Variants in LYRM4 observed in about 807,000 individuals in gnomAD.
LYRM4 encodes the protein LYR motif-containing protein 4.
Under a neutral mutation model 11.7 loss-of-function variants are expected in LYRM4, and 9 were observed. The observed-to-expected ratio is 0.77, with a 90% CI of 0.46 to 1.34. LYRM4 has a LOEUF of 1.34. Ranked by LOEUF, LYRM4 falls within the 40% of genes most tolerant of loss-of-function variation. LYRM4 has a pLI of 0.00. For synonymous variants in LYRM4, 42 were observed against 40.4 expected (o/e 1.04, Z -0.15); for missense variants, 133 against 112.5 (o/e 1.18, Z -0.82).
At chr6:5,253,640 C>T (rs1168893126) in intron 1 of LYRM4, among the ~76,000 whole-genome samples, 1 of 151,994 alleles carries the variant, frequency 6.6e-6, no homozygotes, top group Non-Finnish European at 1.5e-5. Context: ...GAGACGAGAG[C>T]CTTGAAGATG....
At chr6:5,104,492 C>T (rs1762602294), downstream of LYRM4, 2 of 152,100 alleles carry the variant, frequency 1.3e-5, no homozygotes, top group South Asian at 4.1e-4. Context: ...CCAGGCTGGT[C>T]TCGAACTCCT....
At chr6:5,086,310 GCAGC>G in the LYRM4 span, 1 of 1,535,716 alleles carries the variant, frequency 6.5e-7, no homozygotes, top group Non-Finnish European at 8.7e-7. Flanking sequence ...TGGAGCCACA[GCAGC>G]CAGAGGCACC....
intron 2 of LYRM4, among the ~76,000 whole-genome samples, chr6:5,115,355 TATC>T (rs753873543): frequency 3.9e-5 from 6 of 152,188 alleles, no homozygotes; most frequent in Non-Finnish European, 7.3e-5. Context: ...GCGGCACACT[TATC>T]ATGCCGCAGA....
the LYRM4 span, among the ~76,000 whole-genome samples, chr6:5,050,213 G>C: frequency 6.6e-6 from 1 of 152,216 alleles, no homozygotes; most frequent in South Asian, 2.1e-4. Context: ...GGTAAATTGT[G>C]GTTGATTTTG....
intron 1 of LYRM4, among the ~76,000 whole-genome samples, chr6:5,260,360 C>T (rs1764962072): frequency 6.6e-6 from 1 of 152,230 alleles, no homozygotes; most frequent in Non-Finnish European, 1.5e-5. Context: ...TCTGCAGAAA[C>T]ATAACACTAA....
At chr6:5,042,637 T>C in the LYRM4 span, 1 of 152,654 alleles carries the variant, frequency 6.6e-6, no homozygotes, top group Non-Finnish European at 1.5e-5. Flanking sequence ...CCTCAGAAGC[T>C]CGCAGCTGGA....
At chr6:5,167,569 C>T (rs1759160629) in intron 2 of LYRM4, among the ~76,000 whole-genome samples, 1 of 152,210 alleles carries the variant, frequency 6.6e-6, no homozygotes, top group South Asian at 2.1e-4. Context: ...GGGCACGCAA[C>T]ATAAACGATA....
At chr6:5,158,071 A>G (rs1444530164) in intron 2 of LYRM4, among the ~76,000 whole-genome samples, 1 of 152,246 alleles carries the variant, frequency 6.6e-6, no homozygotes, top group African/African-American at 2.4e-5. Context: ...GAAGAAAAGA[A>G]CAAAAGAAAA....
rs148684326 is a variant in LYRM4, at chr6:5,156,571, G to A, written c.208-47080C>T. Among the ~76,000 whole-genome samples, 1,141 of 152,332 alleles carry A rather than the reference G, an allele frequency of 7.5e-3. 14 individuals are homozygous for A. The highest frequency in any genetic ancestry group is 0.025 in the African/African-American group (1,027 of 41,570). On this transcript the variant is annotated intron_variant, in intron 2 of 2. Coordinates refer to ENST00000330636, the MANE Select transcript of LYRM4 (RefSeq NM_020408.6). The stretch of plus-strand genomic sequence containing the variant: ...ACGTGTGGAATGGCCGGGGCTGCCC[G>A]TGCATCTTGAAGGACTTCGAGTCTG...
chr6:5,103,975 T>C (rs1762583512), downstream of LYRM4: 1 of 131,590 alleles, frequency 7.6e-6, no homozygotes, highest in Non-Finnish European at 1.6e-5. Flanking sequence ...CTAGTTTATA[T>C]GAAGTACTTA....
Position 5,190,531 on chromosome 6 carries a change from C to T in LYRM4, c.207+26087G>A, listed in dbSNP as rs538636197. Among the ~76,000 whole-genome samples, 7 of 152,276 alleles carry T rather than the reference C, an allele frequency of 4.6e-5. No individual in the cohort carries two copies. The South Asian group carries it at 1.0e-3, about 23-fold the overall frequency. Reference sequence around the variant, plus strand: ...GACACACACATGCAGGCATGCAGAGCGTGATAACTTGACTATCTCTCATGT... The same window carrying T: ...GACACACACATGCAGGCATGCAGAGTGTGATAACTTGACTATCTCTCATGT... On this transcript the variant is annotated intron_variant, in intron 2 of 2. Coordinates refer to ENST00000330636, the MANE Select transcript of LYRM4 (RefSeq NM_020408.6).
chr6:5,119,779 ACT>A lies in LYRM4; in HGVS notation c.208-10290_208-10289del, dbSNP rs988926828. Among the ~76,000 whole-genome samples the A allele has an allele frequency of 1.1e-4, 13 of 119,426 alleles. No individual in the cohort carries two copies. The South Asian group carries it at 1.5e-3, about 13-fold the overall frequency. The allele number at this position is 119,426 out of a possible 152,430, so 78.3% of individuals were successfully genotyped here. ...ACTATAGCCTGGGTGGCAGAATGAG[ACT>A]CTGTCTCCATAACAAAAAAAAAAAA... On this transcript the variant is annotated intron_variant, in intron 2 of 2. Transcript: ENST00000330636.
At chr6:5,256,086 T>C (rs1266464039) in intron 1 of LYRM4, among the ~76,000 whole-genome samples, 1 of 151,868 alleles carries the variant, frequency 6.6e-6, no homozygotes, top group Non-Finnish European at 1.5e-5. Flanking sequence ...CATGCCAAGA[T>C]TGAGAAATCC....
At chr6:5,091,512 C>T in the LYRM4 span, among the ~76,000 whole-genome samples, 1 of 152,194 alleles carries the variant, frequency 6.6e-6, no homozygotes, top group African/African-American at 2.4e-5. Context: ...ATTCAGATTT[C>T]AACTCTTTTG....
chr6:5,085,193 C>G, the LYRM4 span: 12 of 426,222 alleles, frequency 2.8e-5, no homozygotes. Context: ...TCCCAGCGGC[C>G]GCGCCTCCCC....
chr6:5,057,478 A>T, the LYRM4 span, among the ~76,000 whole-genome samples: 1 of 152,146 alleles, frequency 6.6e-6, no homozygotes, highest in Admixed American at 6.5e-5. Flanking sequence ...GCACTTTAGA[A>T]GGCCAAGGCA....
At chr6:5,092,043 T>C in the LYRM4 span, among the ~76,000 whole-genome samples, 1 of 152,202 alleles carries the variant, frequency 6.6e-6, no homozygotes. Flanking sequence ...TCTGAAAATC[T>C]GGATGAATTA....
At chr6:5,234,418 G>A (rs17139856) in intron 1 of LYRM4, among the ~76,000 whole-genome samples, 7,470 of 152,216 alleles carry the variant, frequency 0.049, 601 homozygotes, top group African/African-American at 0.16. Context: ...AATCAAAACA[G>A]GACAAGCTTT....
At chr6:5,062,889 C>T in the LYRM4 span, among the ~76,000 whole-genome samples, 4 of 152,086 alleles carry the variant, frequency 2.6e-5, no homozygotes, top group East Asian at 3.9e-4. Flanking sequence ...CAAAGCCTGC[C>T]GCAAGCCAGG....
Sources: allele counts gnomAD v4.1 joint callset (sites outside exome capture counted in the v4.1 genomes callset), GRCh38; gene constraint gnomAD v4.1.1; transcripts MANE v1.5; gene names NCBI Gene and HGNC (gene_info 2026-07-23, HGNC 2026-07-21).